CADM2: variants seen among roughly 807,000 people sequenced by gnomAD.
The protein encoded by CADM2 is immunoglobulin superfamily member 4D.
Under a neutral mutation model 49.8 loss-of-function variants are expected in CADM2, and 12 were observed. That is an observed-to-expected ratio of 0.24 (90% confidence interval 0.15 to 0.39). CADM2 has a LOEUF of 0.39. Among genes scored for constraint, CADM2 ranks in the 10% least tolerant of loss-of-function variants. The pLI is 1.00. For synonymous variants in CADM2, 214 were observed against 175.4 expected, an observed-to-expected ratio of 1.22 and a Z score of -1.74; for missense variants, 378 against 492.3, an observed-to-expected ratio of 0.77 and a Z score of 2.20.
chr3:85,958,278 A>T (rs929017993), intron 7 of CADM2, among the ~76,000 whole-genome samples: 1 of 152,004 alleles, frequency 6.6e-6, no homozygotes, highest in Non-Finnish European at 1.5e-5. Context: ...AATGGCGATT[A>T]TTAAAAAGTC....
chr3:85,389,253 A>G (rs1193059171), intron 1 of CADM2, among the ~76,000 whole-genome samples: 1 of 152,106 alleles, frequency 6.6e-6, no homozygotes, highest in Non-Finnish European at 1.5e-5. Flanking sequence ...AAAGGAAGTA[A>G]AAGGGGATGC....
chr3:85,289,802 A>G (rs1482907560), intron 1 of CADM2, among the ~76,000 whole-genome samples: 1 of 152,232 alleles, frequency 6.6e-6, no homozygotes, highest in African/African-American at 2.4e-5. Flanking sequence ...AAGACTGCTT[A>G]AATAAATTTA....
At chr3:85,218,387 TCCCC>T (rs2041977254) in intron 1 of CADM2, among the ~76,000 whole-genome samples, 1 of 152,136 alleles carries the variant, frequency 6.6e-6, no homozygotes, top group Non-Finnish European at 1.5e-5. Flanking sequence ...TGCAGCTGGC[TCCCC>T]TATCATCAGC....
At chr3:85,710,885 T>C (rs1420406293) in intron 1 of CADM2, among the ~76,000 whole-genome samples, 1 of 152,158 alleles carries the variant, frequency 6.6e-6, no homozygotes, top group African/African-American at 2.4e-5. Flanking sequence ...TTAGACCTGA[T>C]AACCTTTGAT....
Position 86,049,210 on chromosome 3 carries a change from A to C in CADM2, c.971-16395A>C, listed in dbSNP as rs185647098. Among the ~76,000 whole-genome samples the C allele has an allele frequency of 7.9e-5, 12 of 152,184 alleles. No individual in the cohort carries two copies. In the East Asian group the frequency reaches 2.1e-3, roughly 27 times the overall value. On this transcript the variant is annotated intron_variant, in intron 8 of 9. Coordinates refer to ENST00000383699, the MANE Select transcript of CADM2 (RefSeq NM_001167675.2). Reference sequence around the variant, plus strand: ...CGTTAGAATGTGACTGTATTAGTCCATTCTCACATTGCTATACAGAAAGAC... The same window carrying C: ...CGTTAGAATGTGACTGTATTAGTCCCTTCTCACATTGCTATACAGAAAGAC...
intron 7 of CADM2, among the ~76,000 whole-genome samples, chr3:85,960,299 C>T (rs963462726): frequency 6.6e-6 from 1 of 151,874 alleles, no homozygotes; most frequent in Non-Finnish European, 1.5e-5. Flanking sequence ...TACTCAGTGC[C>T]TCTGTTCTAA....
intron 1 of CADM2, among the ~76,000 whole-genome samples, chr3:85,689,473 G>A (rs1358332882): frequency 6.6e-6 from 1 of 152,178 alleles, no homozygotes; most frequent in Non-Finnish European, 1.5e-5. Flanking sequence ...TTGTGCATAT[G>A]TTTGGGTATG....
intron 1 of CADM2, among the ~76,000 whole-genome samples, chr3:84,993,912 A>G (rs1318824482): frequency 2.0e-5 from 3 of 152,144 alleles, no homozygotes; most frequent in Non-Finnish European, 4.4e-5. Context: ...TTAAAATTCT[A>G]TTTCATTAGT....
At chr3:85,869,347 G>T (rs541657706) in intron 3 of CADM2, among the ~76,000 whole-genome samples, 5 of 151,866 alleles carry the variant, frequency 3.3e-5, no homozygotes, top group African/African-American at 1.2e-4. Flanking sequence ...AGTCAGCTTC[G>T]TTCCATTCAT....
chr3:85,946,032 A>G (rs985618777), intron 7 of CADM2, among the ~76,000 whole-genome samples: 1 of 152,164 alleles, frequency 6.6e-6, no homozygotes, highest in Non-Finnish European at 1.5e-5. Flanking sequence ...AGAAAACCCC[A>G]TCATCTGAGC....
At chr3:85,535,696 T>C (rs1315352016) in intron 1 of CADM2, among the ~76,000 whole-genome samples, 1 of 152,152 alleles carries the variant, frequency 6.6e-6, no homozygotes, top group Admixed American at 6.5e-5. Context: ...GGATGCCATA[T>C]TTCCTCTTTT....
intron 1 of CADM2, among the ~76,000 whole-genome samples, chr3:85,115,239 A>G (rs188327048): frequency 1.3e-5 from 2 of 152,284 alleles, no homozygotes; most frequent in African/African-American, 4.8e-5. Flanking sequence ...TCAATCTGAG[A>G]AGGAAAATGC....
intron 1 of CADM2, among the ~76,000 whole-genome samples, chr3:84,997,730 C>A (rs2033252455): frequency 6.6e-6 from 1 of 151,654 alleles, no homozygotes; most frequent in Non-Finnish European, 1.5e-5. Context: ...ACAAATTTTC[C>A]AAATGGAAAT....
intron 8 of CADM2, among the ~76,000 whole-genome samples, chr3:86,021,110 A>T (rs1044474480): frequency 2.6e-5 from 4 of 152,006 alleles, no homozygotes; most frequent in Admixed American, 2.0e-4. Flanking sequence ...AGTGATTCTC[A>T]TGCCTCAGCC....
At chr3:85,680,538 G>A (rs1346300246) in intron 1 of CADM2, among the ~76,000 whole-genome samples, 2 of 152,080 alleles carry the variant, frequency 1.3e-5, no homozygotes, top group South Asian at 2.1e-4. Flanking sequence ...GCAGCTTTAT[G>A]TGCTCCATAA....
chr3:86,042,312 C>A (rs570090211), intron 8 of CADM2, among the ~76,000 whole-genome samples: 92 of 152,004 alleles, frequency 6.1e-4, no homozygotes, highest in African/African-American at 2.1e-3. Context: ...AAAAGATCAA[C>A]AAAATTGATA....
At chr3:85,723,750 T>G (rs1577166812) in intron 1 of CADM2, among the ~76,000 whole-genome samples, 3 of 152,226 alleles carry the variant, frequency 2.0e-5, no homozygotes, top group Middle Eastern at 6.8e-3. Flanking sequence ...CCATCATTAT[T>G]TCACTAATTT....
At chr3:86,023,047 C>G (rs775131856) in intron 8 of CADM2, among the ~76,000 whole-genome samples, 2 of 152,134 alleles carry the variant, frequency 1.3e-5, no homozygotes, top group Non-Finnish European at 2.9e-5. Context: ...CTTCAGGGTT[C>G]TAGCATTTTT....
chr3:84,992,374 C>T (rs2032939761), intron 1 of CADM2, among the ~76,000 whole-genome samples: 1 of 152,026 alleles, frequency 6.6e-6, no homozygotes, highest in Admixed American at 6.6e-5. Context: ...GTTAAAATAA[C>T]AATGCTAGTA....
Sources: allele counts gnomAD v4.1 joint callset (sites outside exome capture counted in the v4.1 genomes callset), GRCh38; gene constraint gnomAD v4.1.1; transcripts MANE v1.5; gene names NCBI Gene and HGNC (gene_info 2026-07-23, HGNC 2026-07-21).